AK5: variants seen among roughly 807,000 people sequenced by gnomAD.
AK5 encodes adenylate kinase 5.
In AK5, 27 loss-of-function variants were observed where a neutral mutation model predicts 69.5. The observed-to-expected ratio is 0.39, with a 90% CI of 0.29 to 0.54. The LOEUF (loss-of-function observed/expected upper bound fraction) is 0.54, where lower values mean the gene tolerates loss of function less well. AK5 is among the 20% of genes least tolerant of loss of function. The pLI, the probability that AK5 is intolerant of heterozygous loss-of-function variation, is 0.71. For synonymous variants in AK5, 260 were observed against 244.4 expected, an observed-to-expected ratio of 1.06 and a Z score of -0.60; for missense variants, 531 against 700.4, an observed-to-expected ratio of 0.76 and a Z score of 2.73.
chr1:77,324,835 C>A (rs12060669), intron 5 of AK5, among the ~76,000 whole-genome samples: 3,081 of 152,212 alleles, frequency 0.02, 103 homozygotes, highest in African/African-American at 0.071. Context: ...TTCTGCAGAT[C>A]GTTTCATTGG....
chr1:77,460,286 A>G (rs928355487), intron 8 of AK5, among the ~76,000 whole-genome samples: 1 of 152,282 alleles, frequency 6.6e-6, no homozygotes, highest in Non-Finnish European at 1.5e-5. Flanking sequence ...AAGATGAATC[A>G]AATGAAGAGC....
intron 8 of AK5, among the ~76,000 whole-genome samples, chr1:77,476,907 T>TTAA (rs945115135): frequency 6.8e-6 from 1 of 147,978 alleles, no homozygotes; most frequent in South Asian, 2.1e-4. Context: ...GCTGTTTTTT[T>TTAA]AAAAAAAAAA....
At position 77,402,500 on chromosome 1, in the gene AK5, G is replaced by C. The variant is rs535998126; in HGVS notation, c.892-8481G>C. The stretch of plus-strand genomic sequence containing the variant: ...GTGATGTTCCCCTTCCTGTGTCCAT[G>C]TGTTCTCATTGTTCAATTCCCACCT... On this transcript the variant is annotated intron_variant, in intron 6 of 13. Transcript: ENST00000354567. Among the ~76,000 whole-genome samples the C allele has an allele frequency of 4.9e-3, 681 of 139,750 alleles. 4 individuals are homozygous for C. The highest frequency in any genetic ancestry group is 0.018 in the African/African-American group (650 of 36,892). The allele number at this position is 139,750 out of a possible 152,430, so 91.7% of individuals were successfully genotyped here.
intron 5 of AK5, among the ~76,000 whole-genome samples, chr1:77,303,559 T>G (rs1396372573): frequency 6.6e-6 from 1 of 152,254 alleles, no homozygotes; most frequent in Non-Finnish European, 1.5e-5. Context: ...GTATTCAAAC[T>G]GCTGTGACAT....
intron 8 of AK5, among the ~76,000 whole-genome samples, chr1:77,443,546 G>C (rs1030628115): frequency 6.6e-6 from 1 of 152,130 alleles, no homozygotes; most frequent in Admixed American, 6.5e-5. Context: ...CTTCTTGAGA[G>C]GGAGGGCCTA....
chr1:77,537,094 A>G (rs1461087969), intron 13 of AK5, among the ~76,000 whole-genome samples: 1 of 152,166 alleles, frequency 6.6e-6, no homozygotes, highest in Non-Finnish European at 1.5e-5. Flanking sequence ...TAGGAGAGAG[A>G]GACAAACGTG....
intron 8 of AK5, among the ~76,000 whole-genome samples, chr1:77,428,597 T>TC: frequency 6.6e-6 from 1 of 151,114 alleles, no homozygotes; most frequent in East Asian, 1.9e-4. Flanking sequence ...TCCAAGTTCT[T>TC]TTTTTTTTAA....
intron 8 of AK5, among the ~76,000 whole-genome samples, chr1:77,424,780 C>T (rs1651085410): frequency 6.6e-6 from 1 of 151,948 alleles, no homozygotes; most frequent in South Asian, 2.1e-4. Context: ...AGGACAGCTA[C>T]AAAAGATGTA....
chr1:77,293,695 C>G (rs2815310), intron 2 of AK5, 98 bp from the exon 3 acceptor site: 187,832 of 1,023,818 alleles, frequency 0.18, 19,158 homozygotes, highest in Non-Finnish European at 0.2. Flanking sequence ...AAAAACAAAC[C>G]CATTTAATTT....
intron 10 of AK5, among the ~76,000 whole-genome samples, chr1:77,501,469 A>G (rs1213767120): frequency 6.6e-6 from 1 of 152,244 alleles, no homozygotes; most frequent in Non-Finnish European, 1.5e-5. Context: ...CTATGCGCCT[A>G]GGCTACATGG....
chr1:77,403,389 C>A (rs199848281), intron 6 of AK5, among the ~76,000 whole-genome samples: 2 of 132,372 alleles, frequency 1.5e-5, no homozygotes, highest in Non-Finnish European at 3.2e-5. Context: ...TGTCCTGAAT[C>A]GTATTGCCTA....
At chr1:77,307,869 A>G (rs1055927567) in intron 5 of AK5, among the ~76,000 whole-genome samples, 1 of 152,178 alleles carries the variant, frequency 6.6e-6, no homozygotes, top group African/African-American at 2.4e-5. Context: ...AGTTAAAACC[A>G]GGTACTGTTA....
intron 6 of AK5, among the ~76,000 whole-genome samples, chr1:77,406,260 T>C (rs1649625086): frequency 7.7e-6 from 1 of 129,422 alleles, no homozygotes; most frequent in South Asian, 2.6e-4. Context: ...TGGTCCCTGG[T>C]AGAAGGGAAA....
intron 8 of AK5, among the ~76,000 whole-genome samples, chr1:77,475,201 G>A (rs1226956740): frequency 3.0e-5 from 4 of 134,258 alleles, no homozygotes; most frequent in Non-Finnish European, 4.8e-5. Flanking sequence ...ATATATGTGT[G>A]TGTGTGTGTG....
At chr1:77,484,330 TA>T (rs1454604281) in intron 9 of AK5, among the ~76,000 whole-genome samples, 1 of 151,746 alleles carries the variant, frequency 6.6e-6, no homozygotes, top group African/African-American at 2.4e-5. Flanking sequence ...TAATAAAAGT[TA>T]TAATATAAGT....
intron 8 of AK5, among the ~76,000 whole-genome samples, chr1:77,428,130 T>C (rs982529394): frequency 1.3e-5 from 2 of 152,168 alleles, no homozygotes; most frequent in Non-Finnish European, 1.5e-5. Context: ...GCACCAAAGG[T>C]ATAATCCACA....
At chr1:77,496,113 G>A (rs1009788838) in intron 10 of AK5, among the ~76,000 whole-genome samples, 3 of 152,210 alleles carry the variant, frequency 2.0e-5, no homozygotes, top group Admixed American at 2.0e-4. Flanking sequence ...GCAATGGGGA[G>A]CAAGACTGAA....
At chr1:77,423,016 C>A (rs1650925724) in intron 8 of AK5, among the ~76,000 whole-genome samples, 1 of 151,964 alleles carries the variant, frequency 6.6e-6, no homozygotes, top group Admixed American at 6.6e-5. Context: ...GAGATTGAGA[C>A]CATCCTGGCT....
chr1:77,411,216 G>A (rs1030677454), intron 7 of AK5, 145 bp downstream of exon 7: 3 of 671,006 alleles, frequency 4.5e-6, no homozygotes, highest in East Asian at 2.8e-5. Context: ...AAAAATAAAA[G>A]TATAAAACAA....
Sources: gnomAD v4.1 joint callset for allele counts (sites outside exome capture counted in the v4.1 genomes callset) on GRCh38, gnomAD v4.1.1 for gene constraint, MANE v1.5 for transcripts, NCBI Gene and HGNC (gene_info 2026-07-23, HGNC 2026-07-21) for gene names.